The following SPG11 variants were observed in gnomAD, a reference collection of about 807,000 sequenced individuals.
SPG11 encodes spatacsin.
In SPG11, 222 loss-of-function variants were observed where a neutral mutation model predicts 274.0. That is an observed-to-expected ratio of 0.81 (90% confidence interval 0.73 to 0.91). The LOEUF is 0.91. Among genes scored for constraint, SPG11 ranks in the 40% least tolerant of loss-of-function variants. The pLI, the probability that SPG11 is intolerant of heterozygous loss-of-function variation, is 0.00. For missense variants in SPG11, 3,114 were observed against 2,872.7 expected (o/e 1.08, Z -1.92); for synonymous variants, 1,144 against 1,039.7 (o/e 1.10, Z -1.93).
chr15:44,588,027 C>G (rs533169696), intron 28 of SPG11, among the ~76,000 whole-genome samples: 1 of 152,128 alleles, frequency 6.6e-6, no homozygotes, highest in Non-Finnish European at 1.5e-5. Flanking sequence ...TTTTAGTCAT[C>G]AGATCCACAG....
At chr15:44,639,820 T>C (rs180687751) in intron 7 of SPG11, among the ~76,000 whole-genome samples, 4 of 151,694 alleles carry the variant, frequency 2.6e-5, no homozygotes, top group Admixed American at 1.3e-4. Context: ...TAATAAATTA[T>C]TAGGATTAAT....
At chr15:44,631,129 A>G (rs2084049079) in intron 8 of SPG11, among the ~76,000 whole-genome samples, 1 of 152,192 alleles carries the variant, frequency 6.6e-6, no homozygotes, top group Non-Finnish European at 1.5e-5. Context: ...GAATTTAACA[A>G]TAAATTCTAG....
At chr15:44,588,711 G>A (rs2082829744) in intron 28 of SPG11, 2 of 404,100 alleles carry the variant, frequency 4.9e-6, no homozygotes, top group Admixed American at 2.6e-5. Context: ...GTTTACTCAT[G>A]TGGTCCTAAG....
chr15:44,607,964 C>A lies in SPG11; in HGVS notation c.3453+480G>T, dbSNP rs574453233. 2.6e-5 allele frequency among the ~76,000 whole-genome samples: 4 copies of A among 152,304 alleles called. No individual in the cohort carries two copies. The East Asian group carries it at 7.7e-4, about 29-fold the overall frequency. Reference sequence around the variant, plus strand: ...TTGGTCTGACCCACCTCCACCCTTCCCACTCTGCTCAGTATTGCAGGATAC... The same window carrying A: ...TTGGTCTGACCCACCTCCACCCTTCACACTCTGCTCAGTATTGCAGGATAC... On this transcript the variant is annotated intron_variant, in intron 19 of 39. Transcript: ENST00000261866.
intron 7 of SPG11, among the ~76,000 whole-genome samples, chr15:44,636,925 C>CAAAAAAAAAAAAACAAACAAA (rs2084275682): frequency 5.1e-5 from 1 of 19,454 alleles, no homozygotes; most frequent in East Asian, 2.0e-3. Flanking sequence ...GACTCCATCT[C>CAAAAAAAAAAAAACAAACAAA]AAAAAAAAAA....
intron 21 of SPG11, among the ~76,000 whole-genome samples, chr15:44,599,066 T>TA (rs1388911635): frequency 6.6e-6 from 1 of 152,160 alleles, no homozygotes; most frequent in Non-Finnish European, 1.5e-5. Flanking sequence ...CTAAAACGCT[T>TA]AGTCATAGTC....
chr15:44,589,955 C>T (rs555758909), intron 27 of SPG11, among the ~76,000 whole-genome samples: 3 of 152,246 alleles, frequency 2.0e-5, no homozygotes, highest in South Asian at 2.1e-4. Flanking sequence ...TACAGGCACA[C>T]GCCACCACGC....
At chr15:44,642,164 G>C (rs578068985) in intron 7 of SPG11, among the ~76,000 whole-genome samples, 7 of 150,946 alleles carry the variant, frequency 4.6e-5, no homozygotes, top group Non-Finnish European at 8.9e-5. Flanking sequence ...GTCAGAGTTC[G>C]AGACCAGTCT....
At position 44,663,398 on chromosome 15, in the gene SPG11, A is replaced by G. The variant is rs749011406; in HGVS notation, c.250T>C (p.Phe84Leu). ...GGGRCCLEGP[F>L]WHFLWEDSRN... The stretch of plus-strand genomic sequence containing the variant: ...CTCTCCCTCAGCACTTACTGCCAGA[A>G]GGGGCCCTCCAGGCAGCAGCGACCC... Residue 84 changes from phenylalanine to leucine, a missense_variant, in exon 1 of 40, where the codon TTC becomes CTC. Phe to Leu is a conservative substitution (Grantham distance 22, BLOSUM62 0). Coordinates refer to ENST00000261866, the MANE Select transcript of SPG11 (RefSeq NM_025137.4). The G allele has an allele frequency of 1.4e-5, 22 of 1,607,680 alleles. No homozygotes were observed. The highest frequency in any genetic ancestry group is 1.6e-4 in the Middle Eastern group (1 of 6,072).
Position 44,589,269 on chromosome 15 carries a change from T to C in SPG11, c.4889A>G (p.Glu1630Gly). ...TGTCTTACCATCAGAGAAGAGATGC[T>C]CTCTTTCAACAAAGAGCTGTAAAAG... ...GKLLQLFVER[E>G]HLFSDGPDVK... The change falls in exon 28 of 40, where the codon GAG becomes GGG. Residue 1630 changes from glutamate (E) to glycine (G), a missense_variant. Coordinates refer to ENST00000261866, the MANE Select transcript of SPG11 (RefSeq NM_025137.4). 1 of 1,613,982 alleles carries C rather than the reference T, an allele frequency of 6.2e-7. No individual in the cohort carries two copies. Among genetic ancestry groups the C allele is most frequent in the South Asian group, 1.1e-5 (1 of 91,074 alleles).
At position 44,596,916 on chromosome 15, in the gene SPG11, C is replaced by CCA; in HGVS notation, c.4027_4028dup (p.Trp1343CysfsTer4). 1 of 1,613,852 alleles carries CCA rather than the reference C, an allele frequency of 6.2e-7. No individual in the cohort carries two copies. Among genetic ancestry groups the CCA allele is most frequent in the Non-Finnish European group, 8.5e-7 (1 of 1,179,970 alleles). ...GCCTGCAGAACTGCACCACTAATGC[C>CCA]CATTGGCTGCTAGATTCACTGGATA... On this transcript the variant is annotated frameshift_variant, in exon 24 of 40. Transcript: ENST00000261866. LOFTEE classifies it high-confidence loss of function.
rs2083155725 is a variant in SPG11 at position 44,600,460 on chromosome 15, TACTC to T, written c.3686+3_3686+6del. On this transcript the variant is annotated splice_donor_5th_base_variant and intron_variant, in intron 21 of 39. Transcript: ENST00000261866. Reference sequence around the variant, plus strand: ...TACCCAGACAAAATTATATTTTAAATACTCACAGCTGCTTGGGAGTCTTGCTCTT... The same window carrying T: ...TACCCAGACAAAATTATATTTTAAATACAGCTGCTTGGGAGTCTTGCTCTT... 2.5e-6 allele frequency: 4 copies of T among 1,613,874 alleles called. No homozygotes were observed. The highest frequency in any genetic ancestry group is 3.4e-6 in the Non-Finnish European group (4 of 1,179,852).
At chr15:44,657,005 A>G in intron 4 of SPG11, 90 bp downstream of exon 4, 2 of 1,093,002 alleles carry the variant, frequency 1.8e-6, no homozygotes, top group Non-Finnish European at 2.7e-6. Context: ...AAGAAACACT[A>G]GTTAAAAAAA....
Position 44,657,214 on chromosome 15 carries a change from T to A in SPG11, c.750A>T (p.Gln250His). 1.2e-6 allele frequency: 2 copies of A among 1,614,214 alleles called. No individual in the cohort carries two copies. Among genetic ancestry groups the A allele is most frequent in the Non-Finnish European group, 1.7e-6 (2 of 1,180,022 alleles). ...LHKEDMCNEQ[Q>H]QEPAKISSFT... is the part of the protein sequence containing the mutation. Reference sequence around the variant, plus strand: ...ATGAAGAAATCTTGGCTGGCTCCTGTTGCTGCTCATTACACATGTCTTCTT... The same window carrying A: ...ATGAAGAAATCTTGGCTGGCTCCTGATGCTGCTCATTACACATGTCTTCTT... The change falls in exon 4 of 40, where the codon CAA (glutamine) becomes CAT (histidine). Residue 250 changes from glutamine to histidine, a missense_variant. Gln to His is a conservative substitution (Grantham distance 24). Coordinates refer to ENST00000261866, the MANE Select transcript of SPG11 (RefSeq NM_025137.4).
intron 30 of SPG11, among the ~76,000 whole-genome samples, chr15:44,576,686 A>T (rs1335797833): frequency 6.6e-6 from 1 of 152,020 alleles, no homozygotes; most frequent in East Asian, 1.9e-4. Context: ...ATCTATATGT[A>T]CTGAGAGGAC....
At chr15:44,585,939 A>C in intron 28 of SPG11, 89 bp from the exon 29 acceptor site, 1 of 1,076,762 alleles carries the variant, frequency 9.3e-7, no homozygotes, top group Non-Finnish European at 1.4e-6. Context: ...GGGAAAATAT[A>C]CGTGTTTAAC....
At position 44,596,794 on chromosome 15, in the gene SPG11, T is replaced by C; in HGVS notation, c.4151A>G (p.His1384Arg). ...FIIHSQLHNY[H>R]PAEVKSLIQY... The stretch of plus-strand genomic sequence containing the variant: ...CAATTAGTGGCTTACCTCTGCTGGG[T>C]GGTAGTTGTGGAGTTGGCTGTGAAT... Residue 1384 changes from histidine to arginine, a missense_variant, in exon 24 of 40, where the codon CAC (histidine) becomes CGC (arginine). Physicochemically the swap from His to Arg is conservative, Grantham distance 29. Coordinates refer to ENST00000261866, the MANE Select transcript of SPG11 (RefSeq NM_025137.4). 6.2e-7 allele frequency: 1 copy of C among 1,606,104 alleles called. No individual in the cohort carries two copies. Among genetic ancestry groups the C allele is most frequent in the Non-Finnish European group, 8.5e-7 (1 of 1,175,874 alleles).
At position 44,573,672 on chromosome 15, in the gene SPG11, T is replaced by C. The variant is rs781692529; in HGVS notation, c.6080A>G (p.Gln2027Arg). Reference protein sequence around the residue: ...EAMLRKILASQQPDRCKRAQA... With the variant: ...EAMLRKILASRQPDRCKRAQA... ...GGCTCGTTTGCATCGGTCAGGCTGC[T>C]GAGAGGCCAAGATTTTCCGGAGCAT... Residue 2027 changes from glutamine to arginine, a missense_variant, in exon 32 of 40, where the codon CAG becomes CGG. Gln to Arg is a conservative substitution (Grantham distance 43, BLOSUM62 1). Transcript: ENST00000261866. 4 of 1,614,228 alleles carry C rather than the reference T, an allele frequency of 2.5e-6. No homozygotes were observed. The highest frequency in any genetic ancestry group is 1.3e-5 in the African/African-American group (1 of 75,048).
At chr15:44,592,460 A>C (rs780951576) in intron 26 of SPG11, 22 bp from the exon 27 acceptor site, 3 of 1,395,940 alleles carry the variant, frequency 2.1e-6, no homozygotes, top group Non-Finnish European at 3.1e-6. Context: ...AGTTTGAAAA[A>C]AATTACAAAA....
Sources: gnomAD v4.1 joint callset for allele counts (sites outside exome capture counted in the v4.1 genomes callset) on GRCh38, gnomAD v4.1.1 for gene constraint, MANE v1.5 for transcripts, NCBI Gene and HGNC (gene_info 2026-07-23, HGNC 2026-07-21) for gene names.